Variants in PAPSS1 observed in about 807,000 individuals in gnomAD.
The protein encoded by PAPSS1 is bifunctional 3'-phosphoadenosine 5'-phosphosulfate synthase 1.
Under a neutral mutation model 72.0 loss-of-function variants are expected in PAPSS1, and 50 were observed. The ratio of observed to expected loss-of-function variants is 0.69; its 90% CI spans 0.55 to 0.88. The LOEUF (loss-of-function observed/expected upper bound fraction) is 0.88, where lower values mean the gene tolerates loss of function less well. Among genes scored for constraint, PAPSS1 ranks in the 40% least tolerant of loss-of-function variants. PAPSS1 has a pLI of 0.00. For synonymous variants in PAPSS1, 261 were observed against 263.6 expected (o/e 0.99, Z 0.09); for missense variants, 657 against 782.2 (o/e 0.84, Z 1.91).
chr4:107,631,412 A>G (rs1726222155), intron 11 of PAPSS1, among the ~76,000 whole-genome samples: 1 of 152,182 alleles, frequency 6.6e-6, no homozygotes, highest in African/African-American at 2.4e-5. Flanking sequence ...GTCCTTACAG[A>G]CTTCAAAACA....
intron 11 of PAPSS1, among the ~76,000 whole-genome samples, chr4:107,626,864 A>G (rs1345839971): frequency 1.3e-5 from 2 of 152,190 alleles, no homozygotes; most frequent in Non-Finnish European, 2.9e-5. Context: ...ACAAACACAA[A>G]AAGTTAGAAA....
chr4:107,629,442 A>C (rs1429604240), intron 11 of PAPSS1, among the ~76,000 whole-genome samples: 1 of 152,210 alleles, frequency 6.6e-6, no homozygotes, highest in Non-Finnish European at 1.5e-5. Flanking sequence ...CACCATAGAC[A>C]TCTCAGTTGG....
At chr4:107,692,778 G>GTATATATATATATATA (rs148086345) in intron 3 of PAPSS1, among the ~76,000 whole-genome samples, 19 of 147,074 alleles carry the variant, frequency 1.3e-4, no homozygotes, top group African/African-American at 4.7e-4. Context: ...AACACGGTGT[G>GTATATATATATATATA]TATATATATA....
chr4:107,708,782 T>C (rs565975889), intron 1 of PAPSS1, among the ~76,000 whole-genome samples: 4 of 152,346 alleles, frequency 2.6e-5, no homozygotes, highest in African/African-American at 7.2e-5. Context: ...ATGTTTGATA[T>C]TGTTAAATCA....
chr4:107,622,534 T>C (rs2110296877), intron 11 of PAPSS1, among the ~76,000 whole-genome samples: 1 of 152,360 alleles, frequency 6.6e-6, no homozygotes, highest in Middle Eastern at 3.4e-3. Flanking sequence ...GAGGGGCTTA[T>C]GAAAAGATAA....
At chr4:107,710,755 G>A (rs962559777) in intron 1 of PAPSS1, among the ~76,000 whole-genome samples, 2 of 152,188 alleles carry the variant, frequency 1.3e-5, no homozygotes, top group African/African-American at 4.8e-5. Context: ...GTGTGAGCAA[G>A]ACGAGCTGTG....
At chr4:107,644,654 T>C in intron 10 of PAPSS1, 148 bp downstream of exon 10, 1 of 716,642 alleles carries the variant, frequency 1.4e-6, no homozygotes, top group Admixed American at 3.7e-5. Flanking sequence ...CCAGGGAATA[T>C]CCCTAACGAG....
At chr4:107,619,626 C>T (rs1725905894) in intron 11 of PAPSS1, among the ~76,000 whole-genome samples, 1 of 152,148 alleles carries the variant, frequency 6.6e-6, no homozygotes, top group Non-Finnish European at 1.5e-5. Context: ...CTGAACTTCA[C>T]CTGTGAGTAA....
chr4:107,659,523 A>G (rs1259636559), intron 6 of PAPSS1, among the ~76,000 whole-genome samples: 1 of 152,218 alleles, frequency 6.6e-6, no homozygotes, highest in African/African-American at 2.4e-5. Flanking sequence ...ACAGCTAATG[A>G]TATCATCAGA....
chr4:107,662,629 C>A (rs541708336), intron 5 of PAPSS1, among the ~76,000 whole-genome samples: 1 of 151,352 alleles, frequency 6.6e-6, no homozygotes, highest in Admixed American at 6.6e-5. Flanking sequence ...TTCCTTAAAT[C>A]TAGCATGAGA....
At chr4:107,659,538 A>T (rs1727114138) in intron 6 of PAPSS1, among the ~76,000 whole-genome samples, 1 of 152,202 alleles carries the variant, frequency 6.6e-6, no homozygotes, top group African/African-American at 2.4e-5. Flanking sequence ...ATCAGAGCTA[A>T]GATACACAAT....
chr4:107,653,484 G>A lies in PAPSS1; in HGVS notation c.1237+7C>T. On this transcript the variant is annotated splice_region_variant and intron_variant, in intron 9 of 11. Coordinates refer to ENST00000265174, the MANE Select transcript of PAPSS1 (RefSeq NM_005443.5). ...GCCTATATTAGGTAATTAAATCCAT[G>A]TCTTACCAGCATTCATATCTTTAAA... 2 of 1,608,946 alleles carry A rather than the reference G, an allele frequency of 1.2e-6. No homozygotes were observed. Among genetic ancestry groups the A allele is most frequent in the Non-Finnish European group, 1.7e-6 (2 of 1,177,920 alleles).
intron 2 of PAPSS1, among the ~76,000 whole-genome samples, chr4:107,698,609 C>T (rs757149336): frequency 6.6e-6 from 1 of 152,146 alleles, no homozygotes; most frequent in South Asian, 2.1e-4. Context: ...GCAGCAGAGA[C>T]TCACTGTGGG....
At chr4:107,631,014 A>G (rs1428874678) in intron 11 of PAPSS1, among the ~76,000 whole-genome samples, 1 of 142,124 alleles carries the variant, frequency 7.0e-6, no homozygotes, top group Non-Finnish European at 1.6e-5. Context: ...TTCATGCACA[A>G]AATTATGTAA....
intron 5 of PAPSS1, among the ~76,000 whole-genome samples, chr4:107,662,128 C>T (rs998310758): frequency 6.6e-6 from 1 of 152,122 alleles, no homozygotes; most frequent in Non-Finnish European, 1.5e-5. Flanking sequence ...AATCAAAAGA[C>T]AGACAAGAAA....
At position 107,644,918 on chromosome 4, in the gene PAPSS1, G is replaced by C; in HGVS notation, c.1390C>G (p.Pro464Ala). Residue 464 changes from proline (P) to alanine (A), a missense_variant, in exon 10 of 12, where the codon CCT becomes GCT. By Grantham distance (27) the Pro-to-Ala change is conservative. This residue lies in a region of PAPSS1 where 166 missense variants were observed against 228.3 expected (regional missense o/e 0.73). Coordinates refer to ENST00000265174, the MANE Select transcript of PAPSS1 (RefSeq NM_005443.5). ...TGCTGCTTCATACGCCACATCAAAGGAACATCGTCATCCTTTGTCCAGCCA... is the reference window on the plus strand; with the variant it reads ...TGCTGCTTCATACGCCACATCAAAGCAACATCGTCATCCTTTGTCCAGCCA... Reference protein sequence around the residue: ...LGGWTKDDDVPLMWRMKQHAA... With the variant: ...LGGWTKDDDVALMWRMKQHAA... 4 of 1,614,042 alleles carry C rather than the reference G, an allele frequency of 2.5e-6. No homozygotes were observed. The highest frequency in any genetic ancestry group is 3.4e-6 in the Non-Finnish European group (4 of 1,179,958).
intron 1 of PAPSS1, among the ~76,000 whole-genome samples, chr4:107,715,666 A>G (rs1723620612): frequency 6.6e-6 from 1 of 152,264 alleles, no homozygotes; most frequent in African/African-American, 2.4e-5. Context: ...CCCAGGTAGA[A>G]TGTAATATCC....
At chr4:107,629,800 C>T (rs988539122) in intron 11 of PAPSS1, among the ~76,000 whole-genome samples, 5 of 152,180 alleles carry the variant, frequency 3.3e-5, no homozygotes, top group African/African-American at 1.2e-4. Context: ...AGAACAATAA[C>T]ATCTACTTAT....
In PAPSS1 at chr4:107,682,123, C is replaced by A; in HGVS notation, c.561G>T (p.Gly187=). 6 of 1,552,442 alleles carry A rather than the reference C, an allele frequency of 3.9e-6. No individual in the cohort carries two copies. The highest frequency in any genetic ancestry group is 5.3e-6 in the Non-Finnish European group (6 of 1,128,924). The change falls in exon 5 of 12, where the codon GGG becomes GGT. Residue 187 remains glycine, a synonymous_variant. Coordinates refer to ENST00000265174, the MANE Select transcript of PAPSS1 (RefSeq NM_005443.5). ...CTGGCTTTTCATATTCAGAATCGAT[C>A]CCAGTGAAACCTGCAAAAGGTAACA... ...ARAGEIKGFT[G]IDSEYEKPEA...
Sources: gnomAD v4.1 joint callset for allele counts (sites outside exome capture counted in the v4.1 genomes callset) on GRCh38, gnomAD v4.1.1 for gene constraint, gnomAD v4.1.1 regional missense constraint, MANE v1.5 for transcripts, NCBI Gene and HGNC (gene_info 2026-07-23, HGNC 2026-07-21) for gene names.